MYRIP: variants seen among roughly 807,000 people sequenced by gnomAD.
The protein encoded by MYRIP is myosin VIIA and Rab interacting protein.
In MYRIP, 49 loss-of-function variants were observed where a neutral mutation model predicts 98.0. The observed-to-expected ratio is 0.50, with a 90% CI of 0.40 to 0.63. The LOEUF is 0.63. Ranked by LOEUF, MYRIP falls within the 30% of genes least tolerant of loss-of-function variation. The pLI, the probability that MYRIP is intolerant of heterozygous loss-of-function variation, is 0.00. For synonymous variants in MYRIP, 404 were observed against 409.5 expected (o/e 0.99, Z 0.16); for missense variants, 1,004 against 1,058.2 (o/e 0.95, Z 0.71).
At chr3:39,936,554 C>T (rs76209982) in intron 2 of MYRIP, among the ~76,000 whole-genome samples, 2,205 of 152,296 alleles carry the variant, frequency 0.014, 57 homozygotes, top group African/African-American at 0.049. Context: ...TGATGCCTCT[C>T]TGAGAACATT....
intron 1 of MYRIP, among the ~76,000 whole-genome samples, chr3:39,850,643 G>A (rs937309026): frequency 6.6e-6 from 1 of 152,156 alleles, no homozygotes; most frequent in Non-Finnish European, 1.5e-5. Flanking sequence ...AGCCTACTGT[G>A]TTTGATCACA....
chr3:40,002,008 T>A (rs1359829715), intron 2 of MYRIP, among the ~76,000 whole-genome samples: 1 of 152,158 alleles, frequency 6.6e-6, no homozygotes, highest in African/African-American at 2.4e-5. Context: ...AACATATTGC[T>A]GGGGATCACA....
chr3:40,190,237 C>G lies in MYRIP; in HGVS notation c.1439C>G (p.Pro480Arg), dbSNP rs1951164315. 1 of 1,614,086 alleles carries G rather than the reference C, an allele frequency of 6.2e-7. No individual in the cohort carries two copies. Among genetic ancestry groups the G allele is most frequent in the Non-Finnish European group, 8.5e-7 (1 of 1,180,022 alleles). Residue 480 changes from proline (P) to arginine (R), a missense_variant, in exon 10 of 17, where the codon CCC (proline) becomes CGC (arginine). This residue lies in a region of MYRIP where 880 missense variants were observed against 907.7 expected (regional missense o/e 0.97). Transcript: ENST00000302541. ...ARLSWLQRKA[P>R]RNPAAEKMRL... is the part of the protein sequence containing the mutation. ...CTGTCCTGGTTGCAGAGGAAGGCCC[C>G]CAGGAACCCTGCAGCTGAGAAGATG... is the stretch of plus-strand genomic sequence containing the variant.
At chr3:40,025,318 C>T (rs1378874274) in intron 2 of MYRIP, among the ~76,000 whole-genome samples, 1 of 151,956 alleles carries the variant, frequency 6.6e-6, no homozygotes, top group African/African-American at 2.4e-5. Context: ...TTTCTTTACT[C>T]ATAAATCTGT....
At chr3:40,010,231 G>C (rs1175527834) in intron 2 of MYRIP, among the ~76,000 whole-genome samples, 1 of 152,232 alleles carries the variant, frequency 6.6e-6, no homozygotes, top group Admixed American at 6.5e-5. Flanking sequence ...GAATTTGCTA[G>C]ACAGCAAGGC....
At chr3:39,850,763 C>T (rs1942107318) in intron 1 of MYRIP, among the ~76,000 whole-genome samples, 1 of 152,064 alleles carries the variant, frequency 6.6e-6, no homozygotes, top group African/African-American at 2.4e-5. Flanking sequence ...TAGCCAGCTG[C>T]CAGCTCTTAT....
intron 1 of MYRIP, among the ~76,000 whole-genome samples, chr3:39,826,470 A>G (rs529562559): frequency 8.7e-4 from 132 of 152,176 alleles, no homozygotes; most frequent in Middle Eastern, 3.4e-3. Flanking sequence ...ATAGTTTTGA[A>G]TATTCTTATT....
rs564091493 is a variant in MYRIP at position 39,988,691 on chromosome 3, C to T, written c.111-55359C>T. ...TCTTTTTGCATAGTCCCATATTTCTCGGAGGTTTTGCTCATTCCTTTTCAT... is the reference window on the plus strand; with the variant it reads ...TCTTTTTGCATAGTCCCATATTTCTTGGAGGTTTTGCTCATTCCTTTTCAT... On this transcript the variant is annotated intron_variant, in intron 2 of 16. Coordinates refer to ENST00000302541, the MANE Select transcript of MYRIP (RefSeq NM_015460.4). Among the ~76,000 whole-genome samples, 103 of 151,790 alleles carry T rather than the reference C, an allele frequency of 6.8e-4. 1 individual carries two copies. The highest frequency in any genetic ancestry group is 2.4e-3 in the African/African-American group (99 of 41,396).
intron 1 of MYRIP, among the ~76,000 whole-genome samples, chr3:39,887,405 G>C (rs12629478): frequency 2.3e-4 from 35 of 152,090 alleles, no homozygotes; most frequent in East Asian, 1.5e-3. Context: ...CCAGGAGCTG[G>C]TTTTTTGAAA....
At chr3:39,869,067 T>C (rs1942708301) in intron 1 of MYRIP, among the ~76,000 whole-genome samples, 1 of 152,202 alleles carries the variant, frequency 6.6e-6, no homozygotes, top group South Asian at 2.1e-4. Flanking sequence ...TACCTGGAGT[T>C]CTTCAAGATT....
At chr3:39,984,993 T>C (rs1945996494) in intron 2 of MYRIP, among the ~76,000 whole-genome samples, 1 of 150,608 alleles carries the variant, frequency 6.6e-6, no homozygotes, top group Non-Finnish European at 1.5e-5. Flanking sequence ...ATGAGCATTT[T>C]TTCATGTGTT....
chr3:39,955,692 G>A (rs1326037545), intron 2 of MYRIP, among the ~76,000 whole-genome samples: 2 of 152,130 alleles, frequency 1.3e-5, no homozygotes, highest in Non-Finnish European at 2.9e-5. Context: ...AACCTTAAAT[G>A]TAAATGGGCT....
chr3:39,888,612 C>G (rs79115586), intron 1 of MYRIP, among the ~76,000 whole-genome samples: 26 of 152,072 alleles, frequency 1.7e-4, no homozygotes, highest in Non-Finnish European at 2.5e-4. Context: ...TCAGGACATA[C>G]GCATGAGCAA....
chr3:39,812,082 G>A (rs1363913064), intron 1 of MYRIP, among the ~76,000 whole-genome samples: 1 of 152,114 alleles, frequency 6.6e-6, no homozygotes, highest in Admixed American at 6.5e-5. Context: ...TATAATTCCA[G>A]AAAATAATGC....
In MYRIP at chr3:40,134,742, C is replaced by T. The variant is rs529740715; in HGVS notation, c.333-16306C>T. ...CAGTTCACCAATATCTGCTGTTCTG[C>T]AGCCACCGCTGCTGATACCCAGGCA... On this transcript the variant is annotated intron_variant, in intron 3 of 16. Coordinates refer to ENST00000302541, the MANE Select transcript of MYRIP (RefSeq NM_015460.4). Among the ~76,000 whole-genome samples, 22 of 152,344 alleles carry T rather than the reference C, an allele frequency of 1.4e-4. No individual in the cohort carries two copies. The South Asian group carries it at 4.3e-3, about 30-fold the overall frequency.
intron 1 of MYRIP, among the ~76,000 whole-genome samples, chr3:39,827,648 C>G (rs938269761): frequency 6.6e-6 from 1 of 151,862 alleles, no homozygotes; most frequent in African/African-American, 2.4e-5. Flanking sequence ...TTGTGCATTG[C>G]CTTTACCAGT....
In MYRIP at chr3:40,250,640, T is replaced by TC. The variant is rs1425519191; in HGVS notation, c.2428+147dup. 1.4e-4 allele frequency: 139 copies of TC among 1,008,168 alleles called. No individual in the cohort carries two copies. The South Asian group carries it at 2.0e-3, about 15-fold the overall frequency. The allele number at this position is 1,008,168 out of a possible 1,614,324, so 62.5% of individuals were successfully genotyped here. ...TTGCTCTTGTCTATCTTGATTTGGG[T>TC]CCCCCCAGAAGCAAACCCTGGGACA... On this transcript the variant is annotated intron_variant, in intron 15 of 16. Transcript: ENST00000302541.
In MYRIP at chr3:40,182,321, A is replaced by C; in HGVS notation, c.975A>C (p.Arg325Ser). The C allele has an allele frequency of 6.2e-7, 1 of 1,613,930 alleles. No homozygotes were observed. Among genetic ancestry groups the C allele is most frequent in the Non-Finnish European group, 8.5e-7 (1 of 1,179,946 alleles). ...CAAGGGACCAAGGCCAACACCCGAGAGCAGAGTCTGCTCTGCCCAGCTGGA... is the reference window on the plus strand; with the variant it reads ...CAAGGGACCAAGGCCAACACCCGAGCGCAGAGTCTGCTCTGCCCAGCTGGA... ...RQPRDQGQHPRAESALPSWKS... is the reference protein window; with the variant it reads ...RQPRDQGQHPSAESALPSWKS... The change falls in exon 9 of 17, where the codon AGA (arginine) becomes AGC (serine). Residue 325 changes from arginine (R) to serine (S), a missense_variant. By Grantham distance (110) the Arg-to-Ser change is moderately radical. This residue lies in a region of MYRIP where 880 missense variants were observed against 907.7 expected (regional missense o/e 0.97). Transcript: ENST00000302541.
Position 40,143,286 on chromosome 3 carries a change from T to G in MYRIP, c.333-7762T>G, listed in dbSNP as rs529459073. ...CACCCTGTCCTCTATTTCAGCAGGA[T>G]GCCGACACAAAGGTTCTTCTCATCT... On this transcript the variant is annotated intron_variant, in intron 3 of 16. Coordinates refer to ENST00000302541, the MANE Select transcript of MYRIP (RefSeq NM_015460.4). 2.0e-5 allele frequency among the ~76,000 whole-genome samples: 3 copies of G among 152,344 alleles called. No homozygotes were observed. In the East Asian group the frequency reaches 5.8e-4, roughly 29 times the overall value.
Sources: gnomAD v4.1 joint callset for allele counts (sites outside exome capture counted in the v4.1 genomes callset) on GRCh38, gnomAD v4.1.1 for gene constraint, gnomAD v4.1.1 regional missense constraint, MANE v1.5 for transcripts, NCBI Gene and HGNC (gene_info 2026-07-23, HGNC 2026-07-21) for gene names.